The following SLC16A7 variants were observed in gnomAD, a reference collection of about 807,000 sequenced individuals.
The protein encoded by SLC16A7 is solute carrier family 16 member 7.
Under a neutral mutation model 34.9 loss-of-function variants are expected in SLC16A7, and 33 were observed. The ratio of observed to expected loss-of-function variants is 0.94; its 90% CI spans 0.72 to 1.26. The LOEUF is 1.26. Among genes scored for constraint, SLC16A7 ranks in the 50% most tolerant of loss-of-function variants. The pLI, the probability that SLC16A7 is intolerant of heterozygous loss-of-function variation, is 0.00. For synonymous variants in SLC16A7, 201 were observed against 206.6 expected (o/e 0.97, Z 0.23); for missense variants, 573 against 578.1 (o/e 0.99, Z 0.09).
rs570555830 is a variant in SLC16A7 at position 59,616,875 on chromosome 12, A to AT, written c.-130+20645dup. 4.5e-4 allele frequency among the ~76,000 whole-genome samples: 69 copies of AT among 152,210 alleles called. 6 individuals are homozygous for AT. The South Asian group carries it at 7.0e-3, about 16-fold the overall frequency. On this transcript the variant is annotated intron_variant, in intron 1 of 5. Coordinates refer to ENST00000547379, the MANE Select transcript of SLC16A7 (RefSeq NM_001270623.2). ...TTTCTATTATGGCAGTTAATAGCATATTTTTTAGCATCATTACCCCATTAA... is the reference window on the plus strand; with the variant it reads ...TTTCTATTATGGCAGTTAATAGCATATTTTTTTAGCATCATTACCCCATTAA...
chr12:59,736,791 C>T (rs1158642425), intron 3 of SLC16A7, among the ~76,000 whole-genome samples: 1 of 152,216 alleles, frequency 6.6e-6, no homozygotes, highest in Non-Finnish European at 1.5e-5. Context: ...CCTCCTTATG[C>T]ATAACTTCCT....
rs114257829 is a variant in SLC16A7 at position 59,685,301 on chromosome 12, G to A, written c.-30-19471G>A. Reference sequence around the variant, plus strand: ...ATAAGGACTTGAAGTTGTAAATTCTGTGATTTAATGTGACATTTCCTTGGA... The same window carrying A: ...ATAAGGACTTGAAGTTGTAAATTCTATGATTTAATGTGACATTTCCTTGGA... On this transcript the variant is annotated intron_variant, in intron 2 of 5. Coordinates refer to ENST00000547379, the MANE Select transcript of SLC16A7 (RefSeq NM_001270623.2). Among the ~76,000 whole-genome samples, 1,395 of 152,230 alleles carry A rather than the reference G, an allele frequency of 9.2e-3. 14 individuals are homozygous for A. The highest frequency in any genetic ancestry group is 0.032 in the African/African-American group (1,337 of 41,550).
rs1883078495 is a variant in SLC16A7, at chr12:59,779,512, G to A, written c.1270G>A (p.Gly424Ser). Residue 424 changes from glycine (G) to serine (S), a missense_variant, in exon 6 of 6, where the codon GGC becomes AGC. Gly to Ser is a moderately conservative substitution (Grantham distance 56). Coordinates refer to ENST00000547379, the MANE Select transcript of SLC16A7 (RefSeq NM_001270623.2). ...AGCAGCAAGCGTGTGGCTGCTCATT[G>A]GCAATGCTATCAACTATAGATTGCT... is the stretch of plus-strand genomic sequence containing the variant. ...VVAASVWLLI[G>S]NAINYRLLAK... is the part of the protein sequence containing the mutation. 1 of 1,612,664 alleles carries A rather than the reference G, an allele frequency of 6.2e-7. No homozygotes were observed. Among genetic ancestry groups the A allele is most frequent in the South Asian group, 1.1e-5 (1 of 91,050 alleles).
At chr12:59,776,867 A>G (rs1882811565) in intron 5 of SLC16A7, among the ~76,000 whole-genome samples, 3 of 152,172 alleles carry the variant, frequency 2.0e-5, no homozygotes, top group Admixed American at 2.0e-4. Flanking sequence ...AGTGAAAGCC[A>G]GTAGGTCTTG....
At chr12:59,611,993 A>C in intron 1 of SLC16A7, among the ~76,000 whole-genome samples, 1 of 152,214 alleles carries the variant, frequency 6.6e-6, no homozygotes, top group Non-Finnish European at 1.5e-5. Context: ...TTCCAGGCAC[A>C]TGGTGCAAGC....
rs545172687 is a variant in SLC16A7, at chr12:59,665,171, A to G, written c.-31+9921A>G. ...TGTATTAGATGGGAAGAGAATTTTT[A>G]CAAGTTTTTATGAAACTATCAATTG... On this transcript the variant is annotated intron_variant, in intron 2 of 5. Transcript: ENST00000547379. Among the ~76,000 whole-genome samples, 9 of 152,268 alleles carry G rather than the reference A, an allele frequency of 5.9e-5. No individual in the cohort carries two copies. In the East Asian group the frequency reaches 1.7e-3, roughly 29 times the overall value.
In SLC16A7 at chr12:59,775,256, A is replaced by C. The variant is rs534791435; in HGVS notation, c.961A>C (p.Ile321Leu). 14 of 1,614,146 alleles carry C rather than the reference A, an allele frequency of 8.7e-6. No homozygotes were observed. The East Asian group carries it at 3.1e-4, about 36-fold the overall frequency. Residue 321 changes from isoleucine (I) to leucine (L), a missense_variant, in exon 5 of 6, where the codon ATC (isoleucine) becomes CTC (leucine). Coordinates refer to ENST00000547379, the MANE Select transcript of SLC16A7 (RefSeq NM_001270623.2). ...AATTCAGTACTTCTTCAGTTTTGCA[A>C]TCATGTTCAATGGAGTGTGTCACCT... Reference protein sequence around the residue: ...PRIQYFFSFAIMFNGVCHLLC... With the variant: ...PRIQYFFSFALMFNGVCHLLC...
intron 1 of SLC16A7, among the ~76,000 whole-genome samples, chr12:59,598,061 C>G (rs992269911): frequency 3.3e-5 from 5 of 152,136 alleles, no homozygotes; most frequent in Admixed American, 2.6e-4. Context: ...CTAAATAAAC[C>G]TCCCTTGTCT....
At chr12:59,704,705 G>T in intron 2 of SLC16A7, 67 bp from the exon 3 acceptor site, 1 of 748,352 alleles carries the variant, frequency 1.3e-6, no homozygotes, top group South Asian at 1.8e-5. Context: ...CTATTTTAGT[G>T]ACTATGAAGA....
At chr12:59,695,259 A>G (rs1262420497) in intron 2 of SLC16A7, among the ~76,000 whole-genome samples, 1 of 151,964 alleles carries the variant, frequency 6.6e-6, no homozygotes, top group South Asian at 2.1e-4. Flanking sequence ...GAGGAAATAG[A>G]TAGAAAATAC....
rs183735669 is a variant in SLC16A7 at position 59,662,148 on chromosome 12, G to A, written c.-31+6898G>A. ...TTCAAAATATATATCTGAGCCTTCT[G>A]TTCTTTAGAATTTCTTGCACTTTTT... is the stretch of plus-strand genomic sequence containing the variant. On this transcript the variant is annotated intron_variant, in intron 2 of 5. Transcript: ENST00000547379. 4.1e-4 allele frequency among the ~76,000 whole-genome samples: 63 copies of A among 152,086 alleles called. 1 individual carries two copies. Among genetic ancestry groups the A allele is most frequent in the Admixed American group, 1.5e-3 (23 of 15,242 alleles).
chr12:59,678,038 G>A (rs1592480224), intron 2 of SLC16A7, among the ~76,000 whole-genome samples: 1 of 152,300 alleles, frequency 6.6e-6, no homozygotes, highest in East Asian at 1.9e-4. Context: ...GGTGAGCCAG[G>A]TGTGGAGCAG....
At chr12:59,660,085 GCTTCTT>G (rs954465109) in intron 2 of SLC16A7, among the ~76,000 whole-genome samples, 1 of 151,650 alleles carries the variant, frequency 6.6e-6, no homozygotes, top group African/African-American at 2.4e-5. Context: ...TTTTGCTTTT[GCTTCTT>G]CTTCTTCTTT....
rs369756858 is a variant in SLC16A7 at position 59,629,027 on chromosome 12, T to G, written c.-129-26125T>G. Among the ~76,000 whole-genome samples the G allele has an allele frequency of 4.6e-4, 70 of 151,924 alleles. 6 individuals are homozygous for G. In the South Asian group the frequency reaches 7.3e-3, roughly 16 times the overall value. On this transcript the variant is annotated intron_variant, in intron 1 of 5. Transcript: ENST00000547379. ...AGTTCAAGATCAAGGTGCTAGCCAATTCAGTTCCTGGTGAGGGCCCTTTTG... is the reference window on the plus strand; with the variant it reads ...AGTTCAAGATCAAGGTGCTAGCCAAGTCAGTTCCTGGTGAGGGCCCTTTTG...
intron 2 of SLC16A7, among the ~76,000 whole-genome samples, chr12:59,655,789 A>T (rs1273626187): frequency 6.6e-6 from 1 of 151,744 alleles, no homozygotes; most frequent in Non-Finnish European, 1.5e-5. Context: ...TTAATCCTTC[A>T]TACAATCTTG....
intron 3 of SLC16A7, among the ~76,000 whole-genome samples, chr12:59,767,351 T>C (rs572502365): frequency 6.6e-6 from 1 of 151,920 alleles, no homozygotes; most frequent in African/African-American, 2.4e-5. Context: ...ATTGTCAGTG[T>C]TGATGAAATA....
At chr12:59,661,317 ACTT>A (rs1263332858) in intron 2 of SLC16A7, among the ~76,000 whole-genome samples, 2 of 152,052 alleles carry the variant, frequency 1.3e-5, no homozygotes, top group African/African-American at 2.4e-5. Context: ...GATAGATTTA[ACTT>A]CTTCTGCAAG....
chr12:59,633,612 A>G (rs1452464897), intron 1 of SLC16A7, among the ~76,000 whole-genome samples: 1 of 151,916 alleles, frequency 6.6e-6, no homozygotes, highest in Non-Finnish European at 1.5e-5. Context: ...TTACACTGCT[A>G]TAAGTAACTA....
chr12:59,750,444 A>C (rs1487822520), intron 3 of SLC16A7, among the ~76,000 whole-genome samples: 1 of 152,224 alleles, frequency 6.6e-6, no homozygotes, highest in Non-Finnish European at 1.5e-5. Context: ...TTATGCAGCC[A>C]AGAAACATGA....
Sources: gnomAD v4.1 joint callset for allele counts (sites outside exome capture counted in the v4.1 genomes callset) on GRCh38, gnomAD v4.1.1 for gene constraint, MANE v1.5 for transcripts, NCBI Gene and HGNC (gene_info 2026-07-23, HGNC 2026-07-21) for gene names.